LPP: variants seen among roughly 807,000 people sequenced by gnomAD.
LPP encodes the protein lipoma-preferred partner.
A neutral mutation model predicts 60.4 loss-of-function variants in LPP; 38 were observed. That is an observed-to-expected ratio of 0.63 (90% CI 0.49 to 0.83). The LOEUF (loss-of-function observed/expected upper bound fraction) is 0.83, where lower values mean the gene tolerates loss of function less well. LPP is among the 40% of genes least tolerant of loss of function. The probability of loss-of-function intolerance (pLI) is 0.00; values close to 1 mark genes in which losing one functional copy is unlikely to be tolerated. For missense variants in LPP, 902 were observed against 783.6 expected (o/e 1.15, Z -1.80); for synonymous variants, 328 against 290.8 (o/e 1.13, Z -1.30).
At chr3:188,634,193 T>C (rs1483847092) in intron 7 of LPP, among the ~76,000 whole-genome samples, 1 of 152,246 alleles carries the variant, frequency 6.6e-6, no homozygotes, top group Non-Finnish European at 1.5e-5. Flanking sequence ...ATGACCACTC[T>C]GATATTTTCT....
At chr3:188,866,420 T>G in intron 10 of LPP, 42 bp downstream of exon 10, 1 of 1,389,300 alleles carries the variant, frequency 7.2e-7, no homozygotes, top group African/African-American at 1.5e-5. Flanking sequence ...CCAGTCCTTT[T>G]GGAGTCTGTT....
intron 9 of LPP, among the ~76,000 whole-genome samples, chr3:188,806,775 A>G (rs1749274137): frequency 6.6e-6 from 1 of 151,768 alleles, no homozygotes; most frequent in Admixed American, 6.6e-5. Context: ...CTATTATATC[A>G]CTGTCTGAGT....
chr3:188,605,596 G>A (rs1842235843), intron 6 of LPP, among the ~76,000 whole-genome samples: 1 of 152,222 alleles, frequency 6.6e-6, no homozygotes, highest in African/African-American at 2.4e-5. Flanking sequence ...TCATAACATA[G>A]AAGGTATATC....
At position 188,880,034 on chromosome 3, in the gene LPP, C is replaced by CTT. The variant is rs71169024; in HGVS notation, c.*5568_*5569dup. 5,272 of 144,550 alleles carry CTT rather than the reference C, an allele frequency of 0.036. 183 individuals are homozygous for CTT. Among genetic ancestry groups the CTT allele is most frequent in the African/African-American group, 0.083 (3,049 of 36,792 alleles). 9.0% of individuals were successfully genotyped at this position (144,550 alleles called of 1,614,324 possible). ...AAAGATGCGTTTTTTTTCTTTTTTT[C>CTT]TTTTTTTTTTTTTTGAGACGGAGTC... is the stretch of plus-strand genomic sequence containing the variant. On this transcript the variant is annotated 3_prime_UTR_variant, in exon 12 of 12. Transcript: ENST00000617246.
intron 4 of LPP, among the ~76,000 whole-genome samples, chr3:188,455,014 A>T (rs1375451902): frequency 6.6e-6 from 1 of 152,220 alleles, no homozygotes; most frequent in Non-Finnish European, 1.5e-5. Flanking sequence ...AGCATCCTTT[A>T]TACAAGTGAG....
At chr3:188,271,561 C>T (rs1310016876) in intron 2 of LPP, among the ~76,000 whole-genome samples, 2 of 152,196 alleles carry the variant, frequency 1.3e-5, no homozygotes, top group Non-Finnish European at 2.9e-5. Flanking sequence ...AATTGTAAAA[C>T]TCTGGCCCTA....
chr3:188,489,413 A>G (rs1487527514), intron 5 of LPP, among the ~76,000 whole-genome samples: 2 of 152,150 alleles, frequency 1.3e-5, no homozygotes, highest in Non-Finnish European at 2.9e-5. Flanking sequence ...CTGAACTTTG[A>G]TGGCTGGGTG....
Position 188,786,382 on chromosome 3 carries a change from C to CAAAAAAA in LPP, c.1410+26123_1410+26129dup, listed in dbSNP as rs57565042. On this transcript the variant is annotated intron_variant, in intron 9 of 11. Coordinates refer to ENST00000617246, the MANE Select transcript of LPP (RefSeq NM_001375462.1). ...TGGGCAACAGCGTGAGACTCCGTCT[C>CAAAAAAA]AAAAAAAAAAAAAAAAAAAAAAAAA... Among the ~76,000 whole-genome samples the CAAAAAAA allele has an allele frequency of 7.3e-4, 56 of 76,640 alleles. 2 individuals are homozygous for CAAAAAAA. Among genetic ancestry groups the CAAAAAAA allele is most frequent in the South Asian group, 1.2e-3 (3 of 2,418 alleles). 50.3% of individuals were successfully genotyped at this position (76,640 alleles called of 152,430 possible). A position where few individuals can be genotyped will look rare whatever the true frequency, so the allele number is the denominator to read the frequency against.
intron 5 of LPP, among the ~76,000 whole-genome samples, chr3:188,493,806 A>G (rs1809114354): frequency 6.6e-6 from 1 of 152,096 alleles, no homozygotes; most frequent in Non-Finnish European, 1.5e-5. Flanking sequence ...TTTCTTCTTT[A>G]TGAACTCCTA....
intron 2 of LPP, among the ~76,000 whole-genome samples, chr3:188,257,460 C>T (rs1469818218): frequency 6.6e-6 from 1 of 152,134 alleles, no homozygotes; most frequent in South Asian, 2.1e-4. Flanking sequence ...CAGTTAAAGT[C>T]CAAGCCAGTT....
intron 4 of LPP, among the ~76,000 whole-genome samples, chr3:188,458,097 A>G (rs191711423): frequency 6.6e-5 from 10 of 152,324 alleles, no homozygotes; most frequent in Admixed American, 6.5e-4. Flanking sequence ...AGGCATTCAC[A>G]AGTTAGAGTT....
At chr3:188,793,845 G>A (rs1205898062) in intron 9 of LPP, among the ~76,000 whole-genome samples, 1 of 151,926 alleles carries the variant, frequency 6.6e-6, no homozygotes, top group Admixed American at 6.6e-5. Flanking sequence ...AAGGAGTCTG[G>A]GCCTCTTATA....
Position 188,875,438 on chromosome 3 carries a change from A to G in LPP, c.*959A>G, listed in dbSNP as rs928764816. On this transcript the variant is annotated 3_prime_UTR_variant, in exon 12 of 12. Coordinates refer to ENST00000617246, the MANE Select transcript of LPP (RefSeq NM_001375462.1). ...TCAAAATTGCCTTTTTCTCTAGAGGATGAAGGCTGTGAAAAAACCGTTCAA... is the reference window on the plus strand; with the variant it reads ...TCAAAATTGCCTTTTTCTCTAGAGGGTGAAGGCTGTGAAAAAACCGTTCAA... 1 of 216,634 alleles carries G rather than the reference A, an allele frequency of 4.6e-6. No homozygotes were observed. The highest frequency in any genetic ancestry group is 9.3e-6 in the Non-Finnish European group (1 of 107,652). The allele number at this position is 216,634 out of a possible 1,614,324, so 13.4% of individuals were successfully genotyped here. A position where few individuals can be genotyped will look rare whatever the true frequency, so the allele number is the denominator to read the frequency against.
At chr3:188,484,738 A>G in intron 5 of LPP, 34 bp downstream of exon 5, 1 of 1,503,090 alleles carries the variant, frequency 6.7e-7, no homozygotes, top group Non-Finnish European at 9.3e-7. Flanking sequence ...GTTAGGTAAG[A>G]GCTGAAGTTA....
At chr3:188,514,917 G>A (rs2150072545) in intron 5 of LPP, among the ~76,000 whole-genome samples, 1 of 152,138 alleles carries the variant, frequency 6.6e-6, no homozygotes, top group Non-Finnish European at 1.5e-5. Context: ...TGGCTGTTTT[G>A]GCAACAAAGA....
intron 1 of LPP, among the ~76,000 whole-genome samples, chr3:188,210,892 C>G (rs536546491): frequency 6.6e-6 from 1 of 152,098 alleles, no homozygotes; most frequent in Non-Finnish European, 1.5e-5. Flanking sequence ...CCCACGCCCA[C>G]CCGCTGAGGA....
At chr3:188,763,764 T>C (rs1733163736) in intron 9 of LPP, among the ~76,000 whole-genome samples, 1 of 152,126 alleles carries the variant, frequency 6.6e-6, no homozygotes, top group Non-Finnish European at 1.5e-5. Context: ...TGTTTTGCAA[T>C]CTTTTAGAAT....
At position 188,858,812 on chromosome 3, in the gene LPP, G is replaced by A. The variant is rs7630565; in HGVS notation, c.1411-7388G>A. 3.2e-3 allele frequency among the ~76,000 whole-genome samples: 489 copies of A among 152,148 alleles called. 4 individuals are homozygous for A. The highest frequency in any genetic ancestry group is 0.011 in the African/African-American group (473 of 41,508). ...CTAGTTAAAACATGGATGTTCGGCC[G>A]GGCGTGGTGGCTCATGCTTGTAATC... On this transcript the variant is annotated intron_variant, in intron 9 of 11. Transcript: ENST00000617246.
intron 9 of LPP, among the ~76,000 whole-genome samples, chr3:188,776,972 G>A (rs536182990): frequency 2.0e-5 from 3 of 152,208 alleles, no homozygotes; most frequent in South Asian, 2.1e-4. Context: ...AGAGAATAAC[G>A]ACTCCCAATT....
Sources: allele counts gnomAD v4.1 joint callset (sites outside exome capture counted in the v4.1 genomes callset), GRCh38; gene constraint gnomAD v4.1.1; transcripts MANE v1.5; gene names NCBI Gene and HGNC (gene_info 2026-07-23, HGNC 2026-07-21).